The following NELL1 variants were observed in gnomAD, a reference collection of about 807,000 sequenced individuals.
The protein encoded by NELL1 is protein kinase C-binding protein NELL1.
Under a neutral mutation model 107.4 loss-of-function variants are expected in NELL1, and 76 were observed. The observed-to-expected ratio is 0.71, with a 90% CI of 0.59 to 0.86. NELL1 has a LOEUF of 0.86. NELL1 is among the 40% of genes least tolerant of loss of function. NELL1 has a pLI of 0.00. For synonymous variants in NELL1, 353 were observed against 341.2 expected, an observed-to-expected ratio of 1.03 and a Z score of -0.38; for missense variants, 1,024 against 1,005.5, an observed-to-expected ratio of 1.02 and a Z score of -0.25.
At chr11:21,332,929 G>A (rs1231439402) in intron 14 of NELL1, among the ~76,000 whole-genome samples, 2 of 151,810 alleles carry the variant, frequency 1.3e-5, no homozygotes, top group Non-Finnish European at 2.9e-5. Flanking sequence ...GTTATAAGAT[G>A]GTTTTGTGTG....
At chr11:21,384,323 A>G (rs1183408840) in intron 15 of NELL1, among the ~76,000 whole-genome samples, 1 of 151,990 alleles carries the variant, frequency 6.6e-6, no homozygotes. Flanking sequence ...ATAAGGCCCT[A>G]GTTACTCTGG....
chr11:20,966,645 C>T (rs752433903), intron 12 of NELL1, among the ~76,000 whole-genome samples: 24 of 152,088 alleles, frequency 1.6e-4, no homozygotes, highest in Non-Finnish European at 2.9e-4. Flanking sequence ...CACAGAGATT[C>T]CTAGCCTTTG....
intron 15 of NELL1, among the ~76,000 whole-genome samples, chr11:21,503,907 G>A (rs1047450736): frequency 1.3e-5 from 2 of 151,658 alleles, no homozygotes; most frequent in Non-Finnish European, 2.9e-5. Flanking sequence ...CACACACAAT[G>A]TTTCATTAGT....
At chr11:21,187,701 C>T (rs543848656) in intron 13 of NELL1, among the ~76,000 whole-genome samples, 51 of 151,834 alleles carry the variant, frequency 3.4e-4, no homozygotes, top group African/African-American at 1.1e-3. Context: ...CCTGTGTCTG[C>T]CCTTACAGGG....
chr11:20,911,189 A>G (rs1054399246), intron 5 of NELL1, among the ~76,000 whole-genome samples: 1 of 152,254 alleles, frequency 6.6e-6, no homozygotes, highest in South Asian at 2.1e-4. Flanking sequence ...GACAGATAAC[A>G]CAAAGAACAT....
chr11:20,703,245 A>G (rs1854845685), intron 2 of NELL1, among the ~76,000 whole-genome samples: 2 of 152,140 alleles, frequency 1.3e-5, no homozygotes, highest in East Asian at 3.9e-4. Flanking sequence ...GTATGTGTCG[A>G]GGAATTTATC....
intron 2 of NELL1, among the ~76,000 whole-genome samples, chr11:20,782,511 G>A (rs1305799362): frequency 6.6e-6 from 1 of 152,224 alleles, no homozygotes; most frequent in African/African-American, 2.4e-5. Context: ...TTTTGCAGAT[G>A]AGGGGACTGA....
intron 12 of NELL1, among the ~76,000 whole-genome samples, chr11:21,003,272 T>G (rs1335410848): frequency 6.6e-6 from 1 of 152,188 alleles, no homozygotes; most frequent in Non-Finnish European, 1.5e-5. Context: ...TTTTTCCCAT[T>G]TAGCTTAATG....
intron 12 of NELL1, among the ~76,000 whole-genome samples, chr11:21,083,564 G>T (rs1226095282): frequency 6.6e-6 from 1 of 152,108 alleles, no homozygotes; most frequent in African/African-American, 2.4e-5. Flanking sequence ...TGAGTGGAAG[G>T]ACCATTCACA....
intron 14 of NELL1, among the ~76,000 whole-genome samples, chr11:21,251,800 T>C (rs994687065): frequency 1.3e-5 from 2 of 151,728 alleles, no homozygotes; most frequent in African/African-American, 4.8e-5. Context: ...GACTTTGGAG[T>C]TGGAAATATT....
chr11:20,954,187 T>C (rs1851122882), intron 11 of NELL1, among the ~76,000 whole-genome samples: 1 of 152,216 alleles, frequency 6.6e-6, no homozygotes, highest in African/African-American at 2.4e-5. Flanking sequence ...TGTATGTAAT[T>C]TTATGGGATA....
intron 2 of NELL1, among the ~76,000 whole-genome samples, chr11:20,769,031 T>G (rs1040639417): frequency 6.6e-6 from 1 of 152,096 alleles, no homozygotes; most frequent in African/African-American, 2.4e-5. Context: ...ATCTTCCTGA[T>G]TTTCTGATTG....
At chr11:21,347,047 C>T (rs1382075292) in intron 14 of NELL1, among the ~76,000 whole-genome samples, 2 of 152,170 alleles carry the variant, frequency 1.3e-5, no homozygotes, top group East Asian at 3.8e-4. Flanking sequence ...GCTGCTGCTG[C>T]TGTTGCTGAC....
At chr11:21,104,732 G>A (rs1456613075) in intron 12 of NELL1, among the ~76,000 whole-genome samples, 4 of 152,188 alleles carry the variant, frequency 2.6e-5, no homozygotes, top group Non-Finnish European at 5.9e-5. Context: ...CCTGAGAAAT[G>A]TAAAGTGTTA....
chr11:21,395,398 T>A (rs537025934), intron 15 of NELL1, among the ~76,000 whole-genome samples: 3 of 151,628 alleles, frequency 2.0e-5, no homozygotes, highest in African/African-American at 7.2e-5. Context: ...CTGGGAGAGA[T>A]CAAGCAGATT....
intron 15 of NELL1, among the ~76,000 whole-genome samples, chr11:21,520,168 A>G (rs775391729): frequency 7.2e-5 from 11 of 152,200 alleles, no homozygotes; most frequent in Non-Finnish European, 1.6e-4. Flanking sequence ...TGACATAAAA[A>G]GAGGCCTAAG....
intron 2 of NELL1, among the ~76,000 whole-genome samples, chr11:20,727,857 T>C (rs987494368): frequency 2.6e-5 from 4 of 152,190 alleles, no homozygotes; most frequent in Admixed American, 1.3e-4. Context: ...AGTTTTGTTT[T>C]AAATTCTTTG....
chr11:21,062,592 T>C (rs981291635), intron 12 of NELL1, among the ~76,000 whole-genome samples: 10 of 152,190 alleles, frequency 6.6e-5, no homozygotes, highest in African/African-American at 1.2e-4. Context: ...CCAACATCAA[T>C]TGGTATACTG....
chr11:21,172,704 C>T (rs1266831937), intron 13 of NELL1, among the ~76,000 whole-genome samples: 5 of 151,542 alleles, frequency 3.3e-5, no homozygotes, highest in Non-Finnish European at 5.9e-5. Flanking sequence ...GAGTATTTAC[C>T]GTATGCCACA....
Sources: gnomAD v4.1 joint callset for allele counts (sites outside exome capture counted in the v4.1 genomes callset) on GRCh38, gnomAD v4.1.1 for gene constraint, MANE v1.5 for transcripts, NCBI Gene and HGNC (gene_info 2026-07-23, HGNC 2026-07-21) for gene names.